Variants in PLXNA4 observed in about 807,000 individuals in gnomAD.
The protein encoded by PLXNA4 is plexin A4.
In PLXNA4, 44 loss-of-function variants were observed where a neutral mutation model predicts 191.8. That is an observed-to-expected ratio of 0.23 (90% CI 0.18 to 0.29). PLXNA4 has a LOEUF of 0.29. PLXNA4 is among the 10% of genes least tolerant of loss of function. The pLI, the probability that PLXNA4 is intolerant of heterozygous loss-of-function variation, is 1.00. For missense variants in PLXNA4, 1,800 were observed against 2,488.8 expected (o/e 0.72, Z 5.89); for synonymous variants, 1,082 against 1,009.5 (o/e 1.07, Z -1.36).
intron 5 of PLXNA4, among the ~76,000 whole-genome samples, chr7:132,234,470 C>T (rs1218008837): frequency 6.6e-6 from 1 of 152,110 alleles, no homozygotes; most frequent in Non-Finnish European, 1.5e-5. Context: ...CTCTGGTTGT[C>T]CACAGGTATC....
intron 1 of PLXNA4, among the ~76,000 whole-genome samples, chr7:132,535,487 C>G (rs1799796863): frequency 6.6e-6 from 1 of 152,150 alleles, no homozygotes; most frequent in South Asian, 2.1e-4. Context: ...AGCGTATCTC[C>G]CCTCCTACCC....
chr7:132,161,981 A>G (rs1379717992), intron 24 of PLXNA4, among the ~76,000 whole-genome samples: 1 of 152,042 alleles, frequency 6.6e-6, no homozygotes, highest in Non-Finnish European at 1.5e-5. Context: ...CAATCCAATA[A>G]ATCACTAAAC....
chr7:132,200,116 C>A (rs1433096924), intron 12 of PLXNA4, among the ~76,000 whole-genome samples: 2 of 152,212 alleles, frequency 1.3e-5, no homozygotes, highest in Non-Finnish European at 2.9e-5. Context: ...GGAGTTTTAT[C>A]TCTGGCCCAC....
At chr7:132,242,143 C>A (rs935595281) in intron 4 of PLXNA4, among the ~76,000 whole-genome samples, 1 of 144,882 alleles carries the variant, frequency 6.9e-6, no homozygotes, top group East Asian at 1.9e-4. Context: ...TTTTTCTTTA[C>A]AAAAAGTATT....
At chr7:132,338,902 A>C (rs1481198433) in intron 3 of PLXNA4, among the ~76,000 whole-genome samples, 1 of 152,170 alleles carries the variant, frequency 6.6e-6, no homozygotes, top group Non-Finnish European at 1.5e-5. Flanking sequence ...AGTATCCTAA[A>C]GTTATGGAGG....
chr7:132,425,220 G>A (rs1794998882), intron 3 of PLXNA4, among the ~76,000 whole-genome samples: 1 of 152,122 alleles, frequency 6.6e-6, no homozygotes, highest in Admixed American at 6.5e-5. Flanking sequence ...CCTCCTTCCA[G>A]AGTGCAGACC....
chr7:132,419,487 C>G (rs1261550852), intron 3 of PLXNA4, among the ~76,000 whole-genome samples: 3 of 152,190 alleles, frequency 2.0e-5, no homozygotes, highest in African/African-American at 7.2e-5. Flanking sequence ...CAGCTCATGA[C>G]TGAGAATACA....
chr7:132,208,000 C>T (rs568386014), intron 10 of PLXNA4, among the ~76,000 whole-genome samples: 112 of 152,210 alleles, frequency 7.4e-4, no homozygotes, highest in Non-Finnish European at 1.3e-3. Flanking sequence ...GCCTTGGAGA[C>T]CTCATCTGTA....
rs1004944862 is a variant in PLXNA4 at position 132,442,593 on chromosome 7, C to T, written c.1371+46699G>A. ...TCTTTTTCTTTTTTCTTTTGCTGAC[C>T]TTTGTCCTCCCAAATGTTATCACTC... On this transcript the variant is annotated intron_variant, in intron 3 of 31. Coordinates refer to ENST00000321063, the MANE Select transcript of PLXNA4 (RefSeq NM_020911.2). Among the ~76,000 whole-genome samples the T allele has an allele frequency of 3.3e-5, 5 of 152,248 alleles. No individual in the cohort carries two copies. The South Asian group carries it at 8.3e-4, about 25-fold the overall frequency.
upstream of PLXNA4, among the ~76,000 whole-genome samples, chr7:132,581,687 C>T (rs376671029): frequency 3.9e-5 from 6 of 152,162 alleles, no homozygotes; most frequent in Non-Finnish European, 8.8e-5. Context: ...CAAGCCACAC[C>T]GGGGGGTTGG....
chr7:132,587,399 T>C (rs1294156383), intron 2 of PLXNA4, among the ~76,000 whole-genome samples: 1 of 152,232 alleles, frequency 6.6e-6, no homozygotes, highest in Non-Finnish European at 1.5e-5. Flanking sequence ...AATAGAGTTC[T>C]CTAAAGAAAA....
intron 9 of PLXNA4, among the ~76,000 whole-genome samples, chr7:132,220,386 C>T (rs1231975994): frequency 1.3e-5 from 2 of 152,198 alleles, no homozygotes; most frequent in Admixed American, 6.5e-5. Context: ...AGACCAGAAG[C>T]TCCCCATTAG....
At chr7:132,552,454 A>G (rs1194596968) in intron 1 of PLXNA4, among the ~76,000 whole-genome samples, 1 of 152,172 alleles carries the variant, frequency 6.6e-6, no homozygotes, top group East Asian at 1.9e-4. Context: ...TTGCCCCAAG[A>G]TGCTAGGCAC....
At chr7:132,412,534 A>T (rs1392297667) in intron 3 of PLXNA4, among the ~76,000 whole-genome samples, 1 of 152,220 alleles carries the variant, frequency 6.6e-6, no homozygotes, top group African/African-American at 2.4e-5. Flanking sequence ...TATAAATATC[A>T]CACAAAAATC....
chr7:132,175,023 G>T, intron 20 of PLXNA4, 103 bp from the exon 21 acceptor site: 1 of 1,521,324 alleles, frequency 6.6e-7, no homozygotes. Context: ...TAGGAGACAT[G>T]AGCAATGGAC....
At chr7:132,336,748 A>T (rs1802834481) in intron 3 of PLXNA4, among the ~76,000 whole-genome samples, 1 of 152,234 alleles carries the variant, frequency 6.6e-6, no homozygotes, top group Non-Finnish European at 1.5e-5. Context: ...CTCTTCACCA[A>T]AACATCTTGC....
intron 1 of PLXNA4, among the ~76,000 whole-genome samples, chr7:132,511,720 G>A (rs990243222): frequency 6.6e-6 from 1 of 152,238 alleles, no homozygotes; most frequent in African/African-American, 2.4e-5. Flanking sequence ...TTATGATAAT[G>A]AGATGGTTCC....
chr7:132,367,544 T>A (rs1421775007), intron 3 of PLXNA4: 1 of 121,858 alleles, frequency 8.2e-6, no homozygotes, highest in Non-Finnish European at 1.7e-5. Flanking sequence ...AGGGGTGGGG[T>A]GGGGAGCGGG....
intron 2 of PLXNA4, among the ~76,000 whole-genome samples, chr7:132,628,411 A>G (rs1803424904): frequency 6.7e-6 from 1 of 149,584 alleles, no homozygotes; most frequent in Non-Finnish European, 1.5e-5. Flanking sequence ...TAGGCTCTTT[A>G]TATGGCATTT....
Sources: gnomAD v4.1 joint callset for allele counts (sites outside exome capture counted in the v4.1 genomes callset) on GRCh38, gnomAD v4.1.1 for gene constraint, MANE v1.5 for transcripts, NCBI Gene and HGNC (gene_info 2026-07-23, HGNC 2026-07-21) for gene names.